RNF157: variants seen among roughly 807,000 people sequenced by gnomAD.
The protein encoded by RNF157 is ring finger protein 157.
A neutral mutation model predicts 88.3 loss-of-function variants in RNF157; 55 were observed. The ratio of observed to expected loss-of-function variants is 0.62; its 90% CI spans 0.50 to 0.78. The LOEUF (loss-of-function observed/expected upper bound fraction) is 0.78, where lower values mean the gene tolerates loss of function less well. Among genes scored for constraint, RNF157 ranks in the 30% least tolerant of loss-of-function variants. The pLI, the probability that RNF157 is intolerant of heterozygous loss-of-function variation, is 0.00. For missense variants in RNF157, 788 were observed against 860.8 expected (o/e 0.92, Z 1.06); for synonymous variants, 334 against 341.2 (o/e 0.98, Z 0.23).
In RNF157 at chr17:76,143,036, AG is replaced by A. The variant is rs1446318116; in HGVS notation, c.*2198del. 6.6e-6 allele frequency: 1 copy of A among 152,304 alleles called. No individual in the cohort carries two copies. The highest frequency in any genetic ancestry group is 2.4e-5 in the African/African-American group (1 of 41,468). 9.4% of individuals were successfully genotyped at this position (152,304 alleles called of 1,614,324 possible). A position where few individuals can be genotyped will look rare whatever the true frequency, so the allele number is the denominator to read the frequency against. ...GGTTGGCCACTGACCTGTCCTCATC[AG>A]GCTGACTGAGGACCAGCTCCTTGGA... On this transcript the variant is annotated 3_prime_UTR_variant, in exon 19 of 19. Coordinates refer to ENST00000269391, the MANE Select transcript of RNF157 (RefSeq NM_052916.3).
In RNF157 at chr17:76,146,380, C is replaced by T. The variant is rs1276105144; in HGVS notation, c.1922-1027G>A. The stretch of plus-strand genomic sequence containing the variant: ...AGAATAGCCTGTGCTCAGGCTCCTC[C>T]AGGCCATCTCGCCTCTCCCCTGGGA... On this transcript the variant is annotated intron_variant, in intron 18 of 18. Transcript: ENST00000269391. This position sits in a 1 kb window ranked among gnomAD's most constrained non-coding sequence, Gnocchi z 4.2. 99 of 985,494 alleles carry T rather than the reference C, an allele frequency of 1.0e-4. No homozygotes were observed. The highest frequency in any genetic ancestry group is 1.1e-4 in the Non-Finnish European group (89 of 830,062). The allele number at this position is 985,494 out of a possible 1,614,324, so 61.0% of individuals were successfully genotyped here. A position where few individuals can be genotyped will look rare whatever the true frequency, so the allele number is the denominator to read the frequency against.
At chr17:76,227,741 G>A (rs1185433404) in intron 1 of RNF157, among the ~76,000 whole-genome samples, 2 of 152,044 alleles carry the variant, frequency 1.3e-5, no homozygotes, top group Non-Finnish European at 2.9e-5. Flanking sequence ...GCCGGGCGTG[G>A]TGATGCAGGC....
intron 2 of RNF157, among the ~76,000 whole-genome samples, chr17:76,202,128 T>TCACACACACACA (rs60491535): frequency 2.6e-4 from 35 of 134,660 alleles, no homozygotes; most frequent in African/African-American, 8.4e-4. Flanking sequence ...TCTCTCTCTC[T>TCACACACACACA]CACACACACA....
intron 2 of RNF157, 82 bp downstream of exon 2, chr17:76,212,282 A>T: frequency 1.1e-6 from 1 of 944,940 alleles, no homozygotes; most frequent in Non-Finnish European, 1.7e-6. Flanking sequence ...CTGCTGAACA[A>T]GCAACTGCAA....
At chr17:76,211,777 G>C (rs1046557111) in intron 2 of RNF157, 1 of 152,378 alleles carries the variant, frequency 6.6e-6, no homozygotes, top group South Asian at 2.1e-4. Flanking sequence ...TTATTACAAA[G>C]CCTCCTGCAT....
Position 76,160,801 on chromosome 17 carries a change from CAA to C in RNF157, c.1065+732_1065+733del, listed in dbSNP as rs1369965629. Among the ~76,000 whole-genome samples the C allele has an allele frequency of 6.6e-6, 1 of 152,148 alleles. No individual in the cohort carries two copies. Among genetic ancestry groups the C allele is most frequent in the Non-Finnish European group, 1.5e-5 (1 of 68,020 alleles). ...CAAGCTTAGAGAATCCTTTCCAATCCAAAGTCAACTAAATAATCATCTATAAT... is the reference window on the plus strand; with the variant it reads ...CAAGCTTAGAGAATCCTTTCCAATCCAGTCAACTAAATAATCATCTATAAT... On this transcript the variant is annotated intron_variant, in intron 11 of 18. Coordinates refer to ENST00000269391, the MANE Select transcript of RNF157 (RefSeq NM_052916.3). The surrounding 1 kb of genome is among the most constrained non-coding windows in gnomAD (Gnocchi z 4.3).
intron 1 of RNF157, among the ~76,000 whole-genome samples, chr17:76,213,718 G>A (rs1374300596): frequency 6.6e-6 from 1 of 152,140 alleles, no homozygotes; most frequent in African/African-American, 2.4e-5. Flanking sequence ...CAGGATTAGA[G>A]GGTGGGGACT....
rs2070355272 is a variant in RNF157 at position 76,240,160 on chromosome 17, G to C, written c.81C>G (p.Pro27=). The C allele has an allele frequency of 7.3e-7, 1 of 1,364,510 alleles. No individual in the cohort carries two copies. Among genetic ancestry groups the C allele is most frequent in the African/African-American group, 1.5e-5 (1 of 67,204 alleles). The allele number at this position is 1,364,510 out of a possible 1,614,324, so 84.5% of individuals were successfully genotyped here. A position where few individuals can be genotyped will look rare whatever the true frequency, so the allele number is the denominator to read the frequency against. The part of the protein sequence containing the change: ...IPSNSVYRYP[P]KSGSYFASHF... ...GCGCCCGCCCGCCCTCACCGGACTT[G>C]GGCGGGTAGCGGTACACGGAATTAG... The change falls in exon 1 of 19, where the codon CCC becomes CCG. Residue 27 remains proline (P), a synonymous_variant. Transcript: ENST00000269391. This position sits in a 1 kb window ranked among gnomAD's most constrained non-coding sequence, Gnocchi z 4.4.
At chr17:76,188,580 T>C (rs188739412) in intron 2 of RNF157, among the ~76,000 whole-genome samples, 306 of 152,234 alleles carry the variant, frequency 2.0e-3, no homozygotes, top group African/African-American at 7.0e-3. Flanking sequence ...GATGGTGCAA[T>C]AGATGCAACA....
chr17:76,230,654 A>G (rs2070170426), intron 1 of RNF157, among the ~76,000 whole-genome samples: 3 of 151,968 alleles, frequency 2.0e-5, no homozygotes, highest in Non-Finnish European at 2.9e-5. Context: ...CCTGACCAAC[A>G]TGGTGAAACC....
At chr17:76,183,063 T>A (rs1315346546) in intron 2 of RNF157, among the ~76,000 whole-genome samples, 2 of 151,720 alleles carry the variant, frequency 1.3e-5, no homozygotes, top group Admixed American at 6.6e-5. Context: ...GCTTCCCGAG[T>A]AGCTGGGATT....
intron 6 of RNF157, among the ~76,000 whole-genome samples, 194 bp from the exon 7 acceptor site, chr17:76,165,739 A>T (rs2068913485): frequency 1.3e-5 from 2 of 151,942 alleles, no homozygotes; most frequent in African/African-American, 4.8e-5. Flanking sequence ...GTGCGGTGGC[A>T]TGATCTTGGC....
intron 3 of RNF157, among the ~76,000 whole-genome samples, chr17:76,172,469 T>C (rs1418821041): frequency 6.6e-6 from 1 of 151,746 alleles, no homozygotes; most frequent in Non-Finnish European, 1.5e-5. Context: ...TGCATGCCTG[T>C]AATCACAGCT....
chr17:76,181,604 T>C (rs2069188330), intron 2 of RNF157, among the ~76,000 whole-genome samples: 1 of 152,070 alleles, frequency 6.6e-6, no homozygotes, highest in Admixed American at 6.6e-5. Context: ...TGGCGACTTC[T>C]TCACTAAATT....
chr17:76,232,629 A>C (rs1209713270), intron 1 of RNF157, among the ~76,000 whole-genome samples: 2 of 152,220 alleles, frequency 1.3e-5, no homozygotes, highest in African/African-American at 2.4e-5. Context: ...GGAACTGCTG[A>C]ATCATAAGGC....
At chr17:76,171,832 G>A (rs1454802643) in intron 3 of RNF157, among the ~76,000 whole-genome samples, 1 of 152,180 alleles carries the variant, frequency 6.6e-6, no homozygotes, top group Admixed American at 6.5e-5. Context: ...TTCTTCTAGC[G>A]CATGACAGCT....
rs1568026588 is a variant in RNF157, at chr17:76,157,673, T to C, written c.1413+720A>G. Among the ~76,000 whole-genome samples, 3 of 152,202 alleles carry C rather than the reference T, an allele frequency of 2.0e-5. No homozygotes were observed. Among genetic ancestry groups the C allele is most frequent in the Non-Finnish European group, 2.9e-5 (2 of 68,024 alleles). On this transcript the variant is annotated intron_variant, in intron 13 of 18. Coordinates refer to ENST00000269391, the MANE Select transcript of RNF157 (RefSeq NM_052916.3). The surrounding 1 kb of genome is among the most constrained non-coding windows in gnomAD (Gnocchi z 5.6). ...GAGCAACAACAACGTGCCAGGCACA[T>C]GCTATTCCCATGTATATGTCCTGTC...
At chr17:76,170,945 T>C (rs969721823) in intron 3 of RNF157, among the ~76,000 whole-genome samples, 2 of 152,164 alleles carry the variant, frequency 1.3e-5, no homozygotes, top group Non-Finnish European at 2.9e-5. Context: ...CAGGCTGAAG[T>C]GCAGTGGCAC....
intron 18 of RNF157, among the ~76,000 whole-genome samples, chr17:76,148,616 G>A (rs1408193426): frequency 6.8e-6 from 1 of 146,812 alleles, no homozygotes; most frequent in Non-Finnish European, 1.5e-5. Flanking sequence ...AGCCTCCCAG[G>A]CTGGAGTGCA....
Sources: gnomAD v4.1 joint callset for allele counts (sites outside exome capture counted in the v4.1 genomes callset) on GRCh38, gnomAD v4.1.1 for gene constraint, Gnocchi (gnomAD v3.1) non-coding constraint, MANE v1.5 for transcripts, NCBI Gene and HGNC (gene_info 2026-07-23, HGNC 2026-07-21) for gene names.